ROBO1: variants seen among roughly 807,000 people sequenced by gnomAD.
The protein encoded by ROBO1 is roundabout homolog 1.
A neutral mutation model predicts 195.9 loss-of-function variants in ROBO1; 149 were observed. The observed-to-expected ratio is 0.76, with a 90% CI of 0.67 to 0.87. ROBO1 has a LOEUF of 0.87. Ranked by LOEUF, ROBO1 falls within the 40% of genes least tolerant of loss-of-function variation. The probability of loss-of-function intolerance (pLI) is 0.00; values close to 1 mark genes in which losing one functional copy is unlikely to be tolerated. For missense variants in ROBO1, 1,933 were observed against 2,068.3 expected (o/e 0.93, Z 1.27); for synonymous variants, 816 against 733.2 (o/e 1.11, Z -1.82).
intron 2 of ROBO1, among the ~76,000 whole-genome samples, chr3:79,355,686 C>A (rs76073654): frequency 6.6e-6 from 1 of 152,216 alleles, no homozygotes; most frequent in East Asian, 1.9e-4. Context: ...CTAGCTTATT[C>A]CACCGAAAAT....
At chr3:79,664,358 T>C (rs897200838) in intron 1 of ROBO1, among the ~76,000 whole-genome samples, 8 of 152,044 alleles carry the variant, frequency 5.3e-5, no homozygotes, top group South Asian at 2.1e-4. Context: ...ATCAGTACTT[T>C]GTAAATTGTG....
At chr3:79,351,376 C>G (rs541153628) in intron 2 of ROBO1, among the ~76,000 whole-genome samples, 5 of 152,184 alleles carry the variant, frequency 3.3e-5, no homozygotes, top group African/African-American at 1.2e-4. Flanking sequence ...AATTGTTATT[C>G]TTTTAAATGT....
chr3:78,877,043 C>T lies in ROBO1; in HGVS notation c.499+61558G>A, dbSNP rs568234506. Among the ~76,000 whole-genome samples the T allele has an allele frequency of 1.8e-4, 28 of 152,108 alleles. No homozygotes were observed. The South Asian group carries it at 4.8e-3, about 26-fold the overall frequency. On this transcript the variant is annotated intron_variant, in intron 4 of 30. Coordinates refer to ENST00000464233, the MANE Select transcript of ROBO1 (RefSeq NM_002941.4). ...ATAGGACATAAGCAAGAAGTATTAT[C>T]GCTGCTAGATCCAGCGACCTACAAC...
intron 9 of ROBO1, among the ~76,000 whole-genome samples, chr3:78,688,007 CTATT>C (rs1251065784): frequency 6.6e-6 from 1 of 151,814 alleles, no homozygotes; most frequent in African/African-American, 2.4e-5. Flanking sequence ...CTAAGATTTC[CTATT>C]TATTAAACTG....
intron 5 of ROBO1, among the ~76,000 whole-genome samples, chr3:78,738,978 T>G (rs998565896): frequency 6.6e-6 from 1 of 152,134 alleles, no homozygotes; most frequent in South Asian, 2.1e-4. Flanking sequence ...GTTGTAGACA[T>G]AGAGAATATT....
At chr3:79,720,119 T>A (rs1576280123) in intron 1 of ROBO1, among the ~76,000 whole-genome samples, 1 of 152,352 alleles carries the variant, frequency 6.6e-6, no homozygotes. Flanking sequence ...AAGATGGCCC[T>A]CAATGAATCA....
At chr3:78,805,962 A>G (rs2108599941) in intron 4 of ROBO1, among the ~76,000 whole-genome samples, 1 of 151,792 alleles carries the variant, frequency 6.6e-6, no homozygotes, top group Admixed American at 6.6e-5. Flanking sequence ...GGTATCTCTA[A>G]TTTTTCTTTT....
At chr3:79,057,816 T>C (rs779867644) in intron 3 of ROBO1, among the ~76,000 whole-genome samples, 1 of 150,926 alleles carries the variant, frequency 6.6e-6, no homozygotes, top group Admixed American at 6.6e-5. Context: ...TGGATGCTCC[T>C]GCAGAAATCT....
chr3:79,487,577 G>C (rs146457564), intron 2 of ROBO1, among the ~76,000 whole-genome samples: 2 of 152,266 alleles, frequency 1.3e-5, no homozygotes, highest in Non-Finnish European at 2.9e-5. Flanking sequence ...GTATAGACCA[G>C]TGGTATAGCT....
At chr3:79,525,852 C>T (rs976797073) in intron 2 of ROBO1, among the ~76,000 whole-genome samples, 6 of 152,100 alleles carry the variant, frequency 3.9e-5, no homozygotes, top group South Asian at 2.1e-4. Context: ...CCTCGTGTTC[C>T]GCCTGCCTCA....
At chr3:78,611,807 A>T (rs895041109) in intron 28 of ROBO1, among the ~76,000 whole-genome samples, 6 of 152,328 alleles carry the variant, frequency 3.9e-5, no homozygotes, top group African/African-American at 1.4e-4. Flanking sequence ...TGATGTCATT[A>T]CAAGAGGAGA....
In ROBO1 at chr3:78,884,641, A is replaced by AAGAAAG. The variant is rs1553755984; in HGVS notation, c.499+53954_499+53959dup. ...AGAAAGAGAGAAAGAAAGAGAAAGAAAGAAAGAAAGGAAGGAAGGAAGGAA... is the reference window on the plus strand; with the variant it reads ...AGAAAGAGAGAAAGAAAGAGAAAGAAAGAAAGAGAAAGAAAGGAAGGAAGGAAGGAA... On this transcript the variant is annotated intron_variant, in intron 4 of 30. Transcript: ENST00000464233. Among the ~76,000 whole-genome samples, 132 of 90,854 alleles carry AAGAAAG rather than the reference A, an allele frequency of 1.5e-3. 1 individual carries two copies. The highest frequency in any genetic ancestry group is 0.013 in the South Asian group (37 of 2,828). 59.6% of individuals were successfully genotyped at this position (90,854 alleles called of 152,430 possible). A position where few individuals can be genotyped will look rare whatever the true frequency, so the allele number is the denominator to read the frequency against.
At chr3:79,196,072 C>T (rs1314760909) in intron 2 of ROBO1, among the ~76,000 whole-genome samples, 1 of 151,498 alleles carries the variant, frequency 6.6e-6, no homozygotes, top group Non-Finnish European at 1.5e-5. Context: ...AAGTCATAGT[C>T]TTTCCCTGAA....
At chr3:79,052,868 A>G (rs1430101934) in intron 3 of ROBO1, among the ~76,000 whole-genome samples, 1 of 152,040 alleles carries the variant, frequency 6.6e-6, no homozygotes, top group Non-Finnish European at 1.5e-5. Flanking sequence ...CTGACAACTG[A>G]TGAGTAGTCT....
At chr3:78,863,589 AAGCCAAAAATTACACTTGTTTTATAGTT>A (rs2034984844) in intron 4 of ROBO1, among the ~76,000 whole-genome samples, 1 of 152,154 alleles carries the variant, frequency 6.6e-6, no homozygotes, top group Non-Finnish European at 1.5e-5. Flanking sequence ...TGCAGGACTA[AAGCCAAAAATTACACTTGTTTTATAGTT>A]TCTTCATTTC....
At chr3:79,408,402 T>C (rs1459556532) in intron 2 of ROBO1, among the ~76,000 whole-genome samples, 1 of 151,968 alleles carries the variant, frequency 6.6e-6, no homozygotes, top group Non-Finnish European at 1.5e-5. Flanking sequence ...AATAAATGTA[T>C]TTTTTCAGAA....
chr3:78,799,989 T>C (rs892999067), intron 4 of ROBO1, among the ~76,000 whole-genome samples: 17 of 152,116 alleles, frequency 1.1e-4, no homozygotes, highest in Non-Finnish European at 1.6e-4. Flanking sequence ...AACAATTCAG[T>C]CCAGTACCTC....
At chr3:79,763,619 A>C (rs9830350) in intron 1 of ROBO1, among the ~76,000 whole-genome samples, 151,193 of 152,260 alleles carry the variant, frequency 0.99, 75,078 homozygotes, top group Middle Eastern at 1. Context: ...CTGGATCCTT[A>C]GCAGGCATCC....
chr3:79,011,035 G>T (rs1013144815), intron 3 of ROBO1, among the ~76,000 whole-genome samples: 13 of 152,112 alleles, frequency 8.5e-5, no homozygotes, highest in African/African-American at 3.1e-4. Flanking sequence ...TGTACAAGAT[G>T]GTTTACTTTA....
Sources: allele counts gnomAD v4.1 joint callset (sites outside exome capture counted in the v4.1 genomes callset), GRCh38; gene constraint gnomAD v4.1.1; transcripts MANE v1.5; gene names NCBI Gene and HGNC (gene_info 2026-07-23, HGNC 2026-07-21).